The following THSD4 variants were observed in gnomAD, a reference collection of about 807,000 sequenced individuals.
The protein encoded by THSD4 is thrombospondin type-1 domain-containing protein 4.
In THSD4, 69 loss-of-function variants were observed where a neutral mutation model predicts 119.0. The ratio of observed to expected loss-of-function variants is 0.58; its 90% CI spans 0.48 to 0.71. The LOEUF (loss-of-function observed/expected upper bound fraction) is 0.71, where lower values mean the gene tolerates loss of function less well. THSD4 is among the 30% of genes least tolerant of loss of function. The pLI is 0.00. For synonymous variants in THSD4, 524 were observed against 540.4 expected (o/e 0.97, Z 0.42); for missense variants, 1,393 against 1,391.1 (o/e 1.00, Z -0.02).
chr15:71,377,081 G>A (rs955517112), intron 6 of THSD4, among the ~76,000 whole-genome samples: 9 of 152,212 alleles, frequency 5.9e-5, no homozygotes, highest in Admixed American at 2.6e-4. Context: ...AGAAATGGAC[G>A]TGAGAAAGGA....
intron 3 of THSD4, among the ~76,000 whole-genome samples, chr15:71,193,157 T>C (rs1672963409): frequency 6.6e-6 from 1 of 152,116 alleles, no homozygotes; most frequent in Admixed American, 6.5e-5. Context: ...TTTGGAAATC[T>C]GAGTGTTGGC....
intron 7 of THSD4, among the ~76,000 whole-genome samples, chr15:71,528,463 T>A (rs2048559649): frequency 6.6e-6 from 1 of 152,186 alleles, no homozygotes; most frequent in Admixed American, 6.5e-5. Context: ...CAAACCAAAG[T>A]GTAACTCATT....
chr15:71,237,352 C>T (rs367586441), intron 4 of THSD4, among the ~76,000 whole-genome samples: 2 of 152,268 alleles, frequency 1.3e-5, no homozygotes, highest in East Asian at 1.9e-4. Context: ...TGGGGCTTCA[C>T]AGTCTTTTGT....
At chr15:71,767,402 A>T (rs550737532) in intron 16 of THSD4, 3 of 151,968 alleles carry the variant, frequency 2.0e-5, no homozygotes, top group Admixed American at 6.5e-5. Context: ...TTCTATCCCT[A>T]AAAAAAATTA....
chr15:71,355,199 G>A (rs2045793047), intron 6 of THSD4, among the ~76,000 whole-genome samples: 1 of 152,116 alleles, frequency 6.6e-6, no homozygotes, highest in African/African-American at 2.4e-5. Flanking sequence ...TCAAATAAAG[G>A]TTTTCCTGGA....
At position 71,392,950 on chromosome 15, in the gene THSD4, C is replaced by T. The variant is rs117740879; in HGVS notation, c.1016-18737C>T. On this transcript the variant is annotated intron_variant, in intron 6 of 17. Coordinates refer to ENST00000261862, the MANE Select transcript of THSD4 (RefSeq NM_024817.3). Reference sequence around the variant, plus strand: ...GCCACGACAAGAACATCCTTCCCAGCGCTTCCTTTGAGAGGGAGCCGGGAC... The same window carrying T: ...GCCACGACAAGAACATCCTTCCCAGTGCTTCCTTTGAGAGGGAGCCGGGAC... Among the ~76,000 whole-genome samples the T allele has an allele frequency of 8.4e-3, 1,281 of 152,344 alleles. 8 individuals carry two copies. Among genetic ancestry groups the T allele is most frequent in the Non-Finnish European group, 0.014 (971 of 68,034 alleles).
At chr15:71,213,278 A>G (rs755282457) in intron 3 of THSD4, among the ~76,000 whole-genome samples, 1 of 151,912 alleles carries the variant, frequency 6.6e-6, no homozygotes, top group Non-Finnish European at 1.5e-5. Flanking sequence ...CTTCTCTTCC[A>G]TGTCTTATAA....
chr15:71,227,772 C>T (rs138952214), intron 4 of THSD4, among the ~76,000 whole-genome samples: 11 of 152,266 alleles, frequency 7.2e-5, no homozygotes, highest in Admixed American at 2.0e-4. Flanking sequence ...AATGTGGACA[C>T]GGGTAATTTA....
chr15:71,246,166 T>G (rs992355697), intron 5 of THSD4, among the ~76,000 whole-genome samples: 1 of 152,130 alleles, frequency 6.6e-6, no homozygotes, highest in Admixed American at 6.5e-5. Context: ...GGGCTAATGA[T>G]CCCTACCGTG....
intron 7 of THSD4, among the ~76,000 whole-genome samples, chr15:71,522,135 G>T (rs956817956): frequency 2.0e-5 from 3 of 152,176 alleles, no homozygotes; most frequent in African/African-American, 7.2e-5. Context: ...CTTTAAGATG[G>T]AGTGATGTTA....
intron 6 of THSD4, among the ~76,000 whole-genome samples, chr15:71,318,710 C>T (rs2045224635): frequency 6.6e-6 from 1 of 152,140 alleles, no homozygotes; most frequent in African/African-American, 2.4e-5. Flanking sequence ...TTGGAAATGA[C>T]TGGAATAAAG....
intron 6 of THSD4, among the ~76,000 whole-genome samples, chr15:71,405,575 CACTT>C (rs2046594527): frequency 6.6e-6 from 1 of 152,198 alleles, no homozygotes; most frequent in Non-Finnish European, 1.5e-5. Context: ...GAAAATACCA[CACTT>C]ACTGTTGATT....
At chr15:71,617,439 A>C (rs1909948) in intron 7 of THSD4, among the ~76,000 whole-genome samples, 106,290 of 151,868 alleles carry the variant, frequency 0.7, 37,844 homozygotes, top group East Asian at 0.98. Context: ...CCTTCATCTC[A>C]GTTTCCTCTA....
At position 71,246,862 on chromosome 15, in the gene THSD4, G is replaced by A. The variant is rs143188693; in HGVS notation, c.912+3766G>A. ...CTCCTTCAGACTGTATGTGATGGACGCAAGACTCAATCTGGTCCAAAGTCT... is the reference window on the plus strand; with the variant it reads ...CTCCTTCAGACTGTATGTGATGGACACAAGACTCAATCTGGTCCAAAGTCT... On this transcript the variant is annotated intron_variant, in intron 5 of 17. Coordinates refer to ENST00000261862, the MANE Select transcript of THSD4 (RefSeq NM_024817.3). Among the ~76,000 whole-genome samples the A allele has an allele frequency of 5.8e-3, 874 of 150,418 alleles. 10 individuals carry two copies. Among genetic ancestry groups the A allele is most frequent in the African/African-American group, 0.02 (799 of 40,866 alleles).
rs200892599 is a variant in THSD4 at position 71,560,970 on chromosome 15, C to CATT, written c.1153-99560_1153-99559insATT. 1.1e-4 allele frequency among the ~76,000 whole-genome samples: 14 copies of CATT among 123,992 alleles called. 1 individual carries two copies. In the South Asian group the frequency reaches 3.1e-3, roughly 28 times the overall value. 81.3% of individuals were successfully genotyped at this position (123,992 alleles called of 152,430 possible). On this transcript the variant is annotated intron_variant, in intron 7 of 17. Coordinates refer to ENST00000261862, the MANE Select transcript of THSD4 (RefSeq NM_024817.3). ...GTTCACTAAGCATCATTCTCTTTATCTTTTTTTTTTTTTTTTTTTTTTGAG... is the reference window on the plus strand; with the variant it reads ...GTTCACTAAGCATCATTCTCTTTATCATTTTTTTTTTTTTTTTTTTTTTTTGAG...
intron 7 of THSD4, among the ~76,000 whole-genome samples, chr15:71,656,831 T>C (rs1307219320): frequency 3.3e-5 from 5 of 152,112 alleles, no homozygotes; most frequent in African/African-American, 1.2e-4. Context: ...CTTTTTAGGA[T>C]TAAATGGAAA....
intron 4 of THSD4, among the ~76,000 whole-genome samples, chr15:71,216,210 T>C (rs374105547): frequency 1.3e-5 from 2 of 149,626 alleles, no homozygotes; most frequent in East Asian, 3.9e-4. Context: ...AAAACAAATA[T>C]GGACAAGAAC....
At chr15:71,515,162 G>GT (rs2048339753) in intron 7 of THSD4, among the ~76,000 whole-genome samples, 1 of 152,154 alleles carries the variant, frequency 6.6e-6, no homozygotes, top group Non-Finnish European at 1.5e-5. Context: ...GTGAATGAAT[G>GT]TGTTATTCTG....
At chr15:71,474,508 A>G (rs542446511) in intron 7 of THSD4, among the ~76,000 whole-genome samples, 59 of 152,272 alleles carry the variant, frequency 3.9e-4, no homozygotes, top group Admixed American at 3.4e-3. Flanking sequence ...GGCTTAAGCC[A>G]CCGCGCCTGG....
Sources: gnomAD v4.1 joint callset for allele counts (sites outside exome capture counted in the v4.1 genomes callset) on GRCh38, gnomAD v4.1.1 for gene constraint, MANE v1.5 for transcripts, NCBI Gene and HGNC (gene_info 2026-07-23, HGNC 2026-07-21) for gene names.